GLB1: variants seen among roughly 807,000 people sequenced by gnomAD.
The protein encoded by GLB1 is galactosidase beta 1.
In GLB1, 56 loss-of-function variants were observed where a neutral mutation model predicts 74.0. The observed-to-expected ratio is 0.76, with a 90% CI of 0.61 to 0.94. The LOEUF (loss-of-function observed/expected upper bound fraction) is 0.94. GLB1 is among the 40% of genes least tolerant of loss of function. The pLI is 0.00. For synonymous variants in GLB1, 323 were observed against 323.6 expected (o/e 1.00, Z 0.02); for missense variants, 787 against 845.5 (o/e 0.93, Z 0.86).
chr3:33,031,449 G>C (rs1233898515), intron 10 of GLB1, among the ~76,000 whole-genome samples: 1 of 151,148 alleles, frequency 6.6e-6, no homozygotes, highest in Non-Finnish European at 1.5e-5. Flanking sequence ...TTTGAGACCA[G>C]CCTGGCCAAC....
At chr3:32,980,486 A>G in the GLB1 span, among the ~76,000 whole-genome samples, 1 of 152,246 alleles carries the variant, frequency 6.6e-6, no homozygotes, top group Admixed American at 6.5e-5. Flanking sequence ...AATGCTTTCT[A>G]TATTCCTCAG....
intron 1 of GLB1, chr3:33,096,407 C>A (rs1446107577): frequency 2.1e-6 from 2 of 930,728 alleles, no homozygotes; most frequent in African/African-American, 3.6e-5. Flanking sequence ...TTCCCCCCCT[C>A]AACCTGGACC....
chr3:32,983,149 T>C, the GLB1 span, among the ~76,000 whole-genome samples: 1 of 152,346 alleles, frequency 6.6e-6, no homozygotes, highest in East Asian at 1.9e-4. Context: ...TCTTAAACAC[T>C]GATTCTAGAA....
At chr3:32,964,884 T>C in the GLB1 span, among the ~76,000 whole-genome samples, 4 of 152,178 alleles carry the variant, frequency 2.6e-5, no homozygotes, top group African/African-American at 9.7e-5. Flanking sequence ...GTTAGGTTTT[T>C]CCCATGCTGT....
In GLB1 at chr3:33,014,144, G is replaced by A. The variant is rs776327443; in HGVS notation, c.1646C>T (p.Pro549Leu). The A allele has an allele frequency of 8.1e-6, 13 of 1,614,058 alleles. No individual in the cohort carries two copies. Among genetic ancestry groups the A allele is most frequent in the South Asian group, 4.4e-5 (4 of 91,072 alleles). ...GGAGAAGTTCCCCATATAAAAGGCC[G>A]GGAGCGTGTAGTTGGATGAGTTGTG... The part of the protein sequence containing the change: ...WAHNSSNYTL[P>L]AFYMGNFSIP... Residue 549 changes from proline (P) to leucine (L), a missense_variant, in exon 15 of 16, where the codon CCG becomes CTG. By Grantham distance (98) the Pro-to-Leu change is moderately conservative (BLOSUM62 -3). Coordinates refer to ENST00000307363, the MANE Select transcript of GLB1 (RefSeq NM_000404.4).
intron 13 of GLB1, 130 bp from the exon 14 acceptor site, chr3:33,016,970 T>C: frequency 1.4e-6 from 2 of 1,448,792 alleles, no homozygotes; most frequent in Non-Finnish European, 9.3e-7. Context: ...AAGAAATGCT[T>C]TGATAGCATC....
At chr3:33,094,737 T>C (rs909200257) in intron 1 of GLB1, among the ~76,000 whole-genome samples, 6 of 152,190 alleles carry the variant, frequency 3.9e-5, no homozygotes, top group Admixed American at 6.5e-5. Context: ...ACAGATTTAA[T>C]GCAGAAATAA....
intron 10 of GLB1, chr3:33,034,411 A>G (rs1036646772): frequency 6.7e-6 from 5 of 744,752 alleles, no homozygotes; most frequent in African/African-American, 1.7e-5. Context: ...AGAAGTTTCC[A>G]TCAGGTGGCT....
intron 1 of GLB1, chr3:33,077,341 C>G (rs1700149976): frequency 6.6e-7 from 1 of 1,515,566 alleles, no homozygotes; most frequent in South Asian, 1.1e-5. Flanking sequence ...TAATGAAAGC[C>G]TGTTGTGAAC....
At chr3:33,074,329 G>GA in intron 1 of GLB1, among the ~76,000 whole-genome samples, 2 of 25,558 alleles carry the variant, frequency 7.8e-5, no homozygotes, top group East Asian at 3.2e-3. Context: ...GAGAAAGAAG[G>GA]AAGGAAGGAA....
chr3:33,042,446 C>A (rs188177421), intron 10 of GLB1, among the ~76,000 whole-genome samples: 48 of 146,164 alleles, frequency 3.3e-4, no homozygotes, highest in African/African-American at 1.2e-3. Context: ...CGGCTCACTG[C>A]AAGCTCCACC....
Position 32,996,708 on chromosome 3 carries a change from C to T in GLB1, c.*337G>A. 5.6e-6 allele frequency: 2 copies of T among 354,808 alleles called. No individual in the cohort carries two copies. Among genetic ancestry groups the T allele is most frequent in the Non-Finnish European group, 1.1e-5 (2 of 184,720 alleles). 22.0% of individuals were successfully genotyped at this position (354,808 alleles called of 1,614,324 possible). A position where few individuals can be genotyped will look rare whatever the true frequency, so the allele number is the denominator to read the frequency against. On this transcript the variant is annotated 3_prime_UTR_variant, in exon 16 of 16. Transcript: ENST00000307363. ...CAGACCATATAATTCAATACCTGCA[C>T]ATTAAAAACAGTGACATCATCATTT...
At position 33,024,457 on chromosome 3, in the gene GLB1, G is replaced by T. The variant is rs1697645332; in HGVS notation, c.1069-132C>A. On this transcript the variant is annotated intron_variant, in intron 10 of 15. Coordinates refer to ENST00000307363, the MANE Select transcript of GLB1 (RefSeq NM_000404.4). Reference sequence around the variant, plus strand: ...GCCACTGCTTTTTTGGAAAATCAAAGGAACTAGAGACTTCTTCCAAAGCAG... The same window carrying T: ...GCCACTGCTTTTTTGGAAAATCAAATGAACTAGAGACTTCTTCCAAAGCAG... The T allele has an allele frequency of 8.4e-6, 8 of 956,822 alleles. No individual in the cohort carries two copies. In the South Asian group the frequency reaches 1.1e-4, roughly 13 times the overall value. The allele number at this position is 956,822 out of a possible 1,614,324, so 59.3% of individuals were successfully genotyped here.
rs61013692 is a variant in GLB1 at position 33,022,564 on chromosome 3, A to ATTTTTTTTTTT, written c.1144-920_1144-910dup. Among the ~76,000 whole-genome samples the ATTTTTTTTTTT allele has an allele frequency of 6.1e-3, 388 of 63,726 alleles. 71 individuals carry two copies. Among genetic ancestry groups the ATTTTTTTTTTT allele is most frequent in the African/African-American group, 0.013 (259 of 19,656 alleles). 41.8% of individuals were successfully genotyped at this position (63,726 alleles called of 152,430 possible). ...TTCCATGACTATAATACTGGTTAGG[A>ATTTTTTTTTTT]TTTTTTTTTTTTTTTTTTTGAGAGA... On this transcript the variant is annotated intron_variant, in intron 11 of 15. Transcript: ENST00000307363.
At chr3:32,968,604 T>C in the GLB1 span, among the ~76,000 whole-genome samples, 1 of 152,164 alleles carries the variant, frequency 6.6e-6, no homozygotes, top group African/African-American at 2.4e-5. Flanking sequence ...GCAGCAAGGT[T>C]CTGCTGCATT....
chr3:33,085,119 CAA>C (rs1191057826), intron 1 of GLB1, among the ~76,000 whole-genome samples: 2 of 151,626 alleles, frequency 1.3e-5, no homozygotes, highest in Non-Finnish European at 2.9e-5. Flanking sequence ...AAAAAATAAA[CAA>C]AAGTTAGCTG....
At chr3:32,970,108 C>G in the GLB1 span, among the ~76,000 whole-genome samples, 3 of 152,186 alleles carry the variant, frequency 2.0e-5, no homozygotes, top group African/African-American at 7.2e-5. Flanking sequence ...GCCTCTAACT[C>G]TAAGATCAGA....
At chr3:33,062,964 T>C (rs1480658197) in intron 5 of GLB1, among the ~76,000 whole-genome samples, 1 of 152,170 alleles carries the variant, frequency 6.6e-6, no homozygotes, top group African/African-American at 2.4e-5. Flanking sequence ...GCCAGGAGAC[T>C]AGAGACACAG....
chr3:33,026,187 C>T (rs1199236770), intron 10 of GLB1, among the ~76,000 whole-genome samples: 7 of 152,262 alleles, frequency 4.6e-5, no homozygotes, highest in East Asian at 1.9e-4. Flanking sequence ...GGTCCCCCTC[C>T]CCCAAAAGGC....
Sources: gnomAD v4.1 joint callset for allele counts (sites outside exome capture counted in the v4.1 genomes callset) on GRCh38, gnomAD v4.1.1 for gene constraint, MANE v1.5 for transcripts, NCBI Gene and HGNC (gene_info 2026-07-23, HGNC 2026-07-21) for gene names.